The following CD1B variants were observed in gnomAD, a reference collection of about 807,000 sequenced individuals.
The protein encoded by CD1B is CD1b molecule.
Under a neutral mutation model 39.8 loss-of-function variants are expected in CD1B, and 43 were observed. The ratio of observed to expected loss-of-function variants is 1.08; its 90% CI spans 0.85 to 1.39. The LOEUF (loss-of-function observed/expected upper bound fraction) is 1.39, where lower values mean the gene tolerates loss of function less well. Among genes scored for constraint, CD1B ranks in the 40% most tolerant of loss-of-function variants. The pLI is 0.00. For missense variants in CD1B, 495 were observed against 403.8 expected (o/e 1.23, Z -1.94); for synonymous variants, 192 against 152.5 (o/e 1.26, Z -1.91).
At chr1:158,329,794 T>A in intron 3 of CD1B, 58 bp downstream of exon 3, 1 of 1,570,562 alleles carries the variant, frequency 6.4e-7, no homozygotes, top group South Asian at 1.2e-5. Context: ...TCCTTTGATA[T>A]CTTCCTACTC....
chr1:158,327,762 T>C (rs1034236729), downstream of CD1B, among the ~76,000 whole-genome samples: 1 of 152,188 alleles, frequency 6.6e-6, no homozygotes, highest in Non-Finnish European at 1.5e-5. Context: ...AAGAAACATC[T>C]CAGCTGAGCC....
At chr1:158,310,380 G>A in the CD1B span, among the ~76,000 whole-genome samples, 89,089 of 152,112 alleles carry the variant, frequency 0.59, 28,962 homozygotes, top group African/African-American at 0.86. Context: ...AAGAAAACCT[G>A]TGAAATTCCA....
the CD1B span, among the ~76,000 whole-genome samples, chr1:158,302,982 A>C: frequency 1.3e-5 from 2 of 152,158 alleles, no homozygotes; most frequent in African/African-American, 2.4e-5. Flanking sequence ...CACAATAAAA[A>C]AAGAAAACAT....
chr1:158,311,395 T>TC, the CD1B span, among the ~76,000 whole-genome samples: 1 of 152,180 alleles, frequency 6.6e-6, no homozygotes, highest in Non-Finnish European at 1.5e-5. Context: ...GCCATTGAGC[T>TC]CTTTGAGTTC....
the CD1B span, among the ~76,000 whole-genome samples, chr1:158,322,126 T>C: frequency 6.6e-6 from 1 of 152,240 alleles, no homozygotes; most frequent in African/African-American, 2.4e-5. Context: ...TAATAAAGTA[T>C]TTTAGTTATC....
chr1:158,308,255 C>G, the CD1B span, among the ~76,000 whole-genome samples: 1 of 152,074 alleles, frequency 6.6e-6, no homozygotes, highest in Admixed American at 6.6e-5. Context: ...AATAAAATAC[C>G]TAGGAATCCA....
At chr1:158,316,916 C>A in the CD1B span, among the ~76,000 whole-genome samples, 1 of 151,774 alleles carries the variant, frequency 6.6e-6, no homozygotes, top group East Asian at 1.9e-4. Flanking sequence ...TTGAGATAAT[C>A]ATGTGGTTTT....
the CD1B span, among the ~76,000 whole-genome samples, chr1:158,303,141 T>G: frequency 6.6e-6 from 1 of 152,166 alleles, no homozygotes; most frequent in African/African-American, 2.4e-5. Flanking sequence ...CAGAAATCAG[T>G]AAATGATTCA....
At chr1:158,320,130 C>A in the CD1B span, among the ~76,000 whole-genome samples, 1 of 152,218 alleles carries the variant, frequency 6.6e-6, no homozygotes, top group Non-Finnish European at 1.5e-5. Flanking sequence ...TGCCCTGCCC[C>A]CAGAGGTGGA....
chr1:158,320,261 C>T, the CD1B span, among the ~76,000 whole-genome samples: 1 of 152,220 alleles, frequency 6.6e-6, no homozygotes, highest in Non-Finnish European at 1.5e-5. Context: ...CTCAGCCTCA[C>T]TGCCGCCTTG....
chr1:158,304,216 C>A, the CD1B span, among the ~76,000 whole-genome samples: 1 of 152,122 alleles, frequency 6.6e-6, no homozygotes, highest in Non-Finnish European at 1.5e-5. Context: ...ACAGATAGCA[C>A]CAGGAAAATC....
chr1:158,289,108 T>C, the CD1B span, among the ~76,000 whole-genome samples: 1 of 152,250 alleles, frequency 6.6e-6, no homozygotes, highest in Non-Finnish European at 1.5e-5. Context: ...AGGGGGTTAG[T>C]CAGTCAAAAT....
chr1:158,315,423 T>C, the CD1B span, among the ~76,000 whole-genome samples: 331 of 152,012 alleles, frequency 2.2e-3, no homozygotes, highest in African/African-American at 7.7e-3. Flanking sequence ...ATGAGCATTT[T>C]TTAATGTGTT....
At chr1:158,293,253 G>A in the CD1B span, 2 of 1,614,134 alleles carry the variant, frequency 1.2e-6, no homozygotes, top group Non-Finnish European at 1.7e-6. Context: ...GGTAGTGATA[G>A]TGCCCTTGGT....
chr1:158,318,480 T>C, the CD1B span, among the ~76,000 whole-genome samples: 1 of 152,228 alleles, frequency 6.6e-6, no homozygotes, highest in Non-Finnish European at 1.5e-5. Flanking sequence ...AGACTAGGAT[T>C]GCAATCCCTG....
the CD1B span, among the ~76,000 whole-genome samples, chr1:158,315,785 T>C: frequency 2.6e-5 from 4 of 152,204 alleles, no homozygotes; most frequent in African/African-American, 9.6e-5. Context: ...GTTTTTATGG[T>C]TTTAGCTCTA....
the CD1B span, among the ~76,000 whole-genome samples, chr1:158,322,927 C>T: frequency 5.9e-5 from 9 of 152,138 alleles, no homozygotes; most frequent in African/African-American, 2.2e-4. Flanking sequence ...TTTTAGAATG[C>T]TCTGTTTTTA....
chr1:158,304,269 G>A, the CD1B span, among the ~76,000 whole-genome samples: 1 of 152,138 alleles, frequency 6.6e-6, no homozygotes, highest in African/African-American at 2.4e-5. Flanking sequence ...AATGGTCTTA[G>A]CAAAGGGCAC....
At chr1:158,302,943 A>G in the CD1B span, among the ~76,000 whole-genome samples, 1 of 152,202 alleles carries the variant, frequency 6.6e-6, no homozygotes. Flanking sequence ...TGAGATAAGT[A>G]TCATTGTGAT....
Sources: allele counts gnomAD v4.1 joint callset (sites outside exome capture counted in the v4.1 genomes callset), GRCh38; gene constraint gnomAD v4.1.1; transcripts MANE v1.5; gene names NCBI Gene and HGNC (gene_info 2026-07-23, HGNC 2026-07-21).